The following TENM3 variants were observed in gnomAD, a reference collection of about 807,000 sequenced individuals.
The protein encoded by TENM3 is teneurin transmembrane protein 3.
Under a neutral mutation model 255.1 loss-of-function variants are expected in TENM3, and 63 were observed. The observed-to-expected ratio is 0.25, with a 90% CI of 0.20 to 0.30. TENM3 has a LOEUF of 0.30. Among genes scored for constraint, TENM3 ranks in the 10% least tolerant of loss-of-function variants. TENM3 has a pLI of 1.00. For missense variants in TENM3, 2,929 were observed against 3,461.1 expected, an observed-to-expected ratio of 0.85 and a Z score of 3.86; for synonymous variants, 1,306 against 1,322.3, an observed-to-expected ratio of 0.99 and a Z score of 0.27.
chr4:182,668,326 C>T (rs1754897143), intron 6 of TENM3, among the ~76,000 whole-genome samples: 1 of 152,094 alleles, frequency 6.6e-6, no homozygotes, highest in Non-Finnish European at 1.5e-5. Flanking sequence ...AGAAAGTCAA[C>T]ACATGAATGT....
At chr4:181,685,461 C>T in the TENM3 span, among the ~76,000 whole-genome samples, 1 of 152,154 alleles carries the variant, frequency 6.6e-6, no homozygotes, top group Non-Finnish European at 1.5e-5. Context: ...TTATTAATCT[C>T]ATTACATTTG....
intron 5 of TENM3, among the ~76,000 whole-genome samples, chr4:182,648,882 A>G (rs1464378248): frequency 1.3e-5 from 2 of 152,096 alleles, no homozygotes; most frequent in African/African-American, 2.4e-5. Context: ...AGATTCATCT[A>G]TATTGTTGTG....
chr4:182,173,851 G>A (rs1752266877), intron 1 of TENM3, among the ~76,000 whole-genome samples: 1 of 152,162 alleles, frequency 6.6e-6, no homozygotes, highest in African/African-American at 2.4e-5. Flanking sequence ...GTGGATAAAT[G>A]TTGAGACCAA....
chr4:182,661,478 T>C (rs1021209975), intron 6 of TENM3, among the ~76,000 whole-genome samples: 1 of 152,198 alleles, frequency 6.6e-6, no homozygotes, highest in Non-Finnish European at 1.5e-5. Flanking sequence ...CACTGAGTTT[T>C]GTTCAATAGT....
intron 7 of TENM3, among the ~76,000 whole-genome samples, chr4:182,678,600 C>CCA (rs1755842232): frequency 6.6e-6 from 1 of 152,156 alleles, no homozygotes; most frequent in Admixed American, 6.5e-5. Context: ...CAAGCCAACC[C>CCA]CACCATTACC....
At chr4:181,470,227 G>C in the TENM3 span, among the ~76,000 whole-genome samples, 512 of 151,994 alleles carry the variant, frequency 3.4e-3, 4 homozygotes, top group African/African-American at 0.011. Context: ...CTTTCATAGA[G>C]AGAAAATAGT....
intron 1 of TENM3, among the ~76,000 whole-genome samples, chr4:182,270,560 T>C (rs1461122860): frequency 6.6e-6 from 1 of 152,180 alleles, no homozygotes; most frequent in Non-Finnish European, 1.5e-5. Flanking sequence ...GGAATTCAGT[T>C]TTTCAGGTTT....
At chr4:182,076,565 A>T in the TENM3 span, among the ~76,000 whole-genome samples, 1 of 152,190 alleles carries the variant, frequency 6.6e-6, no homozygotes, top group South Asian at 2.1e-4. Context: ...TCACTCACAT[A>T]TCCTTTCTTC....
chr4:182,391,384 CCACTTA>C (rs374074393), intron 3 of TENM3, among the ~76,000 whole-genome samples: 7 of 152,208 alleles, frequency 4.6e-5, no homozygotes, highest in African/African-American at 1.4e-4. Flanking sequence ...ACGACTTGTT[CCACTTA>C]TATATAATTT....
chr4:182,456,612 A>G (rs776051003), intron 3 of TENM3, among the ~76,000 whole-genome samples: 1 of 152,204 alleles, frequency 6.6e-6, no homozygotes, highest in Admixed American at 6.5e-5. Context: ...AAAGATACTC[A>G]TGATTATAAT....
the TENM3 span, among the ~76,000 whole-genome samples, chr4:181,566,374 G>A: frequency 0.01 from 1,585 of 152,278 alleles, 9 homozygotes; most frequent in South Asian, 0.046. Flanking sequence ...TGAACTCAAT[G>A]TCTTCTAAAT....
chr4:181,449,655 T>C, the TENM3 span, among the ~76,000 whole-genome samples: 1 of 151,972 alleles, frequency 6.6e-6, no homozygotes, highest in Admixed American at 6.6e-5. Context: ...GGCATGGTGG[T>C]GGGTGCCTGT....
Position 182,666,492 on chromosome 4 carries a change from G to A in TENM3, c.1112-6513G>A, listed in dbSNP as rs538133767. Among the ~76,000 whole-genome samples, 152 of 152,276 alleles carry A rather than the reference G, an allele frequency of 1.0e-3. 2 individuals carry two copies. Among genetic ancestry groups the A allele is most frequent in the Non-Finnish European group, 1.6e-3 (108 of 68,020 alleles). On this transcript the variant is annotated intron_variant, in intron 6 of 27. Coordinates refer to ENST00000511685, the MANE Select transcript of TENM3 (RefSeq NM_001080477.4). ...CCACCACCTTGATCAATCAGCTGCC[G>A]CCTACACTGAGGTAAGATCCTCCAC...
At chr4:182,347,008 T>A in intron 3 of TENM3, 79 bp downstream of exon 3, 1 of 1,088,330 alleles carries the variant, frequency 9.2e-7, no homozygotes, top group Non-Finnish European at 1.3e-6. Context: ...GGGGGGATGT[T>A]TTTCTTTCTC....
chr4:182,462,160 C>A (rs1233684913), intron 3 of TENM3, among the ~76,000 whole-genome samples: 6 of 151,570 alleles, frequency 4.0e-5, no homozygotes, highest in African/African-American at 1.5e-4. Context: ...CCTTTAACTT[C>A]CAGGCTGTAA....
intron 3 of TENM3, among the ~76,000 whole-genome samples, chr4:182,455,574 T>C (rs2151352045): frequency 6.9e-6 from 1 of 144,484 alleles, no homozygotes; most frequent in South Asian, 2.3e-4. Flanking sequence ...TTTTTTTTTT[T>C]TTTTTGAGAC....
At chr4:182,344,728 A>G (rs1161096006) in intron 2 of TENM3, among the ~76,000 whole-genome samples, 1 of 152,144 alleles carries the variant, frequency 6.6e-6, no homozygotes, top group Middle Eastern at 3.2e-3. Flanking sequence ...CTCTTTAAAA[A>G]TTATTTTGCA....
chr4:181,736,780 C>A, the TENM3 span, among the ~76,000 whole-genome samples: 1 of 152,056 alleles, frequency 6.6e-6, no homozygotes, highest in African/African-American at 2.4e-5. Context: ...CATAACCCCC[C>A]AGTTCACCAA....
chr4:181,864,319 A>G, the TENM3 span, among the ~76,000 whole-genome samples: 1 of 152,130 alleles, frequency 6.6e-6, no homozygotes, highest in African/African-American at 2.4e-5. Flanking sequence ...TTCAGCATCA[A>G]TGCACTGATA....
Sources: gnomAD v4.1 joint callset for allele counts (sites outside exome capture counted in the v4.1 genomes callset) on GRCh38, gnomAD v4.1.1 for gene constraint, MANE v1.5 for transcripts, NCBI Gene and HGNC (gene_info 2026-07-23, HGNC 2026-07-21) for gene names.